Variants in PTPRD observed in about 807,000 individuals in gnomAD.
The protein encoded by PTPRD is protein tyrosine phosphatase receptor type D, also known as receptor-type tyrosine-protein phosphatase delta.
In PTPRD, 34 loss-of-function variants were observed where a neutral mutation model predicts 214.5. The observed-to-expected ratio is 0.16, with a 90% CI of 0.12 to 0.21. The LOEUF is 0.21. PTPRD is among the 10% of genes least tolerant of loss of function. The pLI, the probability that PTPRD is intolerant of heterozygous loss-of-function variation, is 1.00. For missense variants in PTPRD, 2,545 were observed against 2,398.7 expected (o/e 1.06, Z -1.27); for synonymous variants, 1,128 against 845.7 (o/e 1.33, Z -5.79).
At chr9:9,237,316 G>C (rs2099967445) in intron 9 of PTPRD, among the ~76,000 whole-genome samples, 1 of 152,056 alleles carries the variant, frequency 6.6e-6, no homozygotes, top group Non-Finnish European at 1.5e-5. Flanking sequence ...TGTAATCCCA[G>C]TACTTTGGGA....
chr9:9,916,278 A>C (rs76284029), intron 5 of PTPRD, among the ~76,000 whole-genome samples: 6,444 of 152,028 alleles, frequency 0.042, 251 homozygotes, highest in African/African-American at 0.11. Context: ...TCATGGAAAC[A>C]TACAAAACTC....
At chr9:8,451,377 C>T (rs2095942628) in intron 33 of PTPRD, among the ~76,000 whole-genome samples, 1 of 152,076 alleles carries the variant, frequency 6.6e-6, no homozygotes, top group African/African-American at 2.4e-5. Context: ...GAGCAGTATT[C>T]TGCGACCTGC....
chr9:9,333,516 A>G (rs935522317), intron 9 of PTPRD, among the ~76,000 whole-genome samples: 4 of 145,296 alleles, frequency 2.8e-5, no homozygotes, highest in African/African-American at 7.8e-5. Context: ...ATATATATAT[A>G]TATATATATA....
chr9:8,929,805 A>ATGTG (rs1485463855), intron 11 of PTPRD, among the ~76,000 whole-genome samples: 5 of 100,152 alleles, frequency 5.0e-5, no homozygotes, highest in African/African-American at 1.2e-4. Context: ...GTGTGTATAT[A>ATGTG]TGTGTATATA....
At chr9:10,441,805 T>C (rs1331421615) in intron 2 of PTPRD, among the ~76,000 whole-genome samples, 1 of 151,634 alleles carries the variant, frequency 6.6e-6, no homozygotes, top group African/African-American at 2.4e-5. Context: ...ATAAATACAC[T>C]AGTAATATAT....
chr9:10,344,603 T>C (rs1364514967), intron 2 of PTPRD, among the ~76,000 whole-genome samples: 1 of 152,206 alleles, frequency 6.6e-6, no homozygotes, highest in Non-Finnish European at 1.5e-5. Context: ...TGGCATTGAA[T>C]CTATAAATTA....
chr9:9,079,621 T>C (rs1591229345), intron 10 of PTPRD, among the ~76,000 whole-genome samples: 1 of 152,080 alleles, frequency 6.6e-6, no homozygotes, highest in South Asian at 2.1e-4. Context: ...CTGGGGCCTC[T>C]GAGTCCCTGA....
intron 8 of PTPRD, among the ~76,000 whole-genome samples, chr9:9,451,272 T>C (rs1345003301): frequency 6.6e-6 from 1 of 151,602 alleles, no homozygotes; most frequent in African/African-American, 2.4e-5. Context: ...CAGTATAAGG[T>C]TTAAAGAGAA....
chr9:9,428,536 C>T (rs1367883764), intron 8 of PTPRD, among the ~76,000 whole-genome samples: 1 of 152,174 alleles, frequency 6.6e-6, no homozygotes, highest in African/African-American at 2.4e-5. Context: ...TTGAACTCAG[C>T]TCTGCACCAA....
rs188032316 is a variant in PTPRD at position 10,494,723 on chromosome 9, T to A, written c.-600+117675A>T. ...GGTATAAATGTAAGATGTTATTTAA[T>A]ATAAAAATTTTACAGATGAATCTGA... On this transcript the variant is annotated intron_variant, in intron 2 of 45. Transcript: ENST00000381196. Among the ~76,000 whole-genome samples the A allele has an allele frequency of 6.3e-4, 95 of 151,410 alleles. 2 individuals carry two copies. The East Asian group carries it at 0.017, about 27-fold the overall frequency.
At position 8,719,009 on chromosome 9, in the gene PTPRD, T is replaced by A. The variant is rs532245238; in HGVS notation, c.64+14771A>T. Among the ~76,000 whole-genome samples the A allele has an allele frequency of 2.7e-3, 414 of 152,328 alleles. 4 individuals carry two copies. Among genetic ancestry groups the A allele is most frequent in the African/African-American group, 9.5e-3 (397 of 41,574 alleles). On this transcript the variant is annotated intron_variant, in intron 12 of 45. Coordinates refer to ENST00000381196, the MANE Select transcript of PTPRD (RefSeq NM_002839.4). ...ATCAAATTCACCATGACTTTTGTGCTTTTATTTGCCTTTATGAAACCAATC... is the reference window on the plus strand; with the variant it reads ...ATCAAATTCACCATGACTTTTGTGCATTTATTTGCCTTTATGAAACCAATC...
intron 2 of PTPRD, among the ~76,000 whole-genome samples, chr9:10,469,920 T>G (rs1264284204): frequency 1.3e-5 from 2 of 151,140 alleles, no homozygotes; most frequent in African/African-American, 2.4e-5. Flanking sequence ...CAAATTTGCA[T>G]GTACTCACTC....
Position 8,376,603 on chromosome 9 carries a change from A to C in PTPRD, c.4506+4T>G, listed in dbSNP as rs1409015526. 2 of 1,612,714 alleles carry C rather than the reference A, an allele frequency of 1.2e-6. No individual in the cohort carries two copies. The highest frequency in any genetic ancestry group is 2.2e-5 in the South Asian group (2 of 91,062). ...AAGGGAGGAGAAAAAGATGAAAAGC[A>C]AACCTTGTAAAGTGCAAATGTTCGA... On this transcript the variant is annotated splice_donor_region_variant and intron_variant, in intron 38 of 45. Coordinates refer to ENST00000381196, the MANE Select transcript of PTPRD (RefSeq NM_002839.4).
At chr9:9,114,841 C>T (rs1337963376) in intron 10 of PTPRD, among the ~76,000 whole-genome samples, 3 of 151,976 alleles carry the variant, frequency 2.0e-5, no homozygotes, top group South Asian at 2.1e-4. Flanking sequence ...CTAGAAGATA[C>T]GTTATTCTAG....
intron 42 of PTPRD, 25 bp from the exon 43 acceptor site, chr9:8,339,072 A>G: frequency 6.2e-7 from 1 of 1,603,042 alleles, no homozygotes; most frequent in African/African-American, 1.3e-5. Flanking sequence ...GATTAATGTT[A>G]AACTATGCAA....
intron 11 of PTPRD, among the ~76,000 whole-genome samples, chr9:8,782,698 A>C (rs2095776564): frequency 6.6e-6 from 1 of 151,456 alleles, no homozygotes; most frequent in South Asian, 2.1e-4. Flanking sequence ...CCCGAGTTCA[A>C]GCAATTCTCC....
intron 5 of PTPRD, among the ~76,000 whole-genome samples, chr9:9,806,863 G>T (rs2099076259): frequency 6.6e-6 from 1 of 152,078 alleles, no homozygotes; most frequent in Admixed American, 6.6e-5. Flanking sequence ...AACAGCTCTT[G>T]TGAGCATGCA....
intron 9 of PTPRD, among the ~76,000 whole-genome samples, chr9:9,288,302 C>A (rs907529073): frequency 5.3e-5 from 8 of 151,798 alleles, no homozygotes; most frequent in Non-Finnish European, 7.4e-5. Flanking sequence ...TTATGCTATG[C>A]TATGTATGTA....
Position 9,009,573 on chromosome 9 carries a change from G to GA in PTPRD, c.-104+9123dup, listed in dbSNP as rs945454142. The stretch of plus-strand genomic sequence containing the variant: ...AAGATAAGAAGCAAGTTGGTATGGA[G>GA]AAAAAAAAATTAGAACTGTAAAAAT... On this transcript the variant is annotated intron_variant, in intron 11 of 45. Coordinates refer to ENST00000381196, the MANE Select transcript of PTPRD (RefSeq NM_002839.4). Among the ~76,000 whole-genome samples the GA allele has an allele frequency of 8.6e-5, 13 of 150,838 alleles. No individual in the cohort carries two copies. In the South Asian group the frequency reaches 1.7e-3, roughly 19 times the overall value.
Sources: gnomAD v4.1 joint callset for allele counts (sites outside exome capture counted in the v4.1 genomes callset) on GRCh38, gnomAD v4.1.1 for gene constraint, MANE v1.5 for transcripts, NCBI Gene and HGNC (gene_info 2026-07-23, HGNC 2026-07-21) for gene names.